PIK3R3: variants seen among roughly 807,000 people sequenced by gnomAD.
PIK3R3 encodes phosphoinositide-3-kinase regulatory subunit 3.
In PIK3R3, 64 loss-of-function variants were observed where a neutral mutation model predicts 62.9. That is an observed-to-expected ratio of 1.02 (90% CI 0.83 to 1.25). PIK3R3 has a LOEUF of 1.25. PIK3R3 is among the 50% of genes most tolerant of loss of function. The probability of loss-of-function intolerance (pLI) is 0.00; values close to 1 mark genes in which losing one functional copy is unlikely to be tolerated. For synonymous variants in PIK3R3, 165 were observed against 189.0 expected, an observed-to-expected ratio of 0.87 and a Z score of 1.04; for missense variants, 614 against 561.6, an observed-to-expected ratio of 1.09 and a Z score of -0.94.
intron 1 of PIK3R3, among the ~76,000 whole-genome samples, chr1:46,092,844 T>A (rs1651770411): frequency 6.6e-6 from 1 of 152,050 alleles, no homozygotes; most frequent in South Asian, 2.1e-4. Flanking sequence ...ACTAATACTA[T>A]CATCTCTTTT....
the PIK3R3 span, among the ~76,000 whole-genome samples, chr1:46,155,762 T>C: frequency 6.6e-6 from 1 of 152,312 alleles, no homozygotes; most frequent in Non-Finnish European, 1.5e-5. Context: ...ATGCCCAGCC[T>C]AATTTTTTTA....
intron 3 of PIK3R3, among the ~76,000 whole-genome samples, chr1:46,068,627 T>C (rs1649216173): frequency 6.6e-6 from 1 of 152,018 alleles, no homozygotes; most frequent in Non-Finnish European, 1.5e-5. Flanking sequence ...GAGTTCTAAG[T>C]GAAGTGAGGG....
the PIK3R3 span, among the ~76,000 whole-genome samples, chr1:46,165,305 C>CTTTTTTT: frequency 1.5e-5 from 2 of 130,036 alleles, no homozygotes; most frequent in Admixed American, 8.0e-5. Context: ...TCTTCTTCTT[C>CTTTTTTT]TTTTTTTTTT....
intron 1 of PIK3R3, among the ~76,000 whole-genome samples, chr1:46,107,353 G>GT (rs1432227564): frequency 7.0e-6 from 1 of 143,784 alleles, no homozygotes; most frequent in East Asian, 2.1e-4. Flanking sequence ...GTGAGACTCT[G>GT]TCTCAAAAAA....
At chr1:46,056,013 A>G in intron 6 of PIK3R3, 42 bp from the exon 7 acceptor site, 1 of 1,377,876 alleles carries the variant, frequency 7.3e-7, no homozygotes, top group Non-Finnish European at 1.0e-6. Context: ...ATAGAAATCA[A>G]GCAGACAGAT....
intron 1 of PIK3R3, among the ~76,000 whole-genome samples, chr1:46,096,610 T>C (rs1652145538): frequency 6.6e-6 from 1 of 152,054 alleles, no homozygotes; most frequent in South Asian, 2.1e-4. Context: ...AAGGCAGTAA[T>C]AAAACTGGCC....
At position 46,043,614 on chromosome 1, in the gene PIK3R3, A is replaced by C. The variant is rs563642472; in HGVS notation, c.*59T>G. On this transcript the variant is annotated 3_prime_UTR_variant, in exon 10 of 10. Transcript: ENST00000262741. ...TATGTAGAAAGAATGCCCTCATCGT[A>C]GTCTAATAAAAACTGTAGAAAAAAA... The C allele has an allele frequency of 2.9e-6, 4 of 1,373,122 alleles. No individual in the cohort carries two copies. In the Admixed American group the frequency reaches 6.8e-5, roughly 23 times the overall value. 85.1% of individuals were successfully genotyped at this position (1,373,122 alleles called of 1,614,324 possible).
At chr1:46,070,107 G>C (rs569467382) in intron 3 of PIK3R3, among the ~76,000 whole-genome samples, 1 of 152,328 alleles carries the variant, frequency 6.6e-6, no homozygotes, top group South Asian at 2.1e-4. Flanking sequence ...TCTAGAAAGA[G>C]ATATAGGGTC....
At chr1:46,107,776 G>A (rs74376298) in intron 1 of PIK3R3, among the ~76,000 whole-genome samples, 115 of 152,294 alleles carry the variant, frequency 7.6e-4, no homozygotes, top group Non-Finnish European at 8.2e-4. Flanking sequence ...CCACTATTTA[G>A]ATAATTCATA....
intron 1 of PIK3R3, among the ~76,000 whole-genome samples, chr1:46,124,562 C>T (rs1214019979): frequency 2.6e-5 from 4 of 151,850 alleles, no homozygotes; most frequent in East Asian, 3.9e-4. Flanking sequence ...TTTGGGAGGC[C>T]GAGGCGGGAA....
intron 1 of PIK3R3, among the ~76,000 whole-genome samples, chr1:46,117,639 C>T (rs1356420928): frequency 6.6e-6 from 1 of 152,002 alleles, no homozygotes; most frequent in Non-Finnish European, 1.5e-5. Context: ...CCCAGCTACT[C>T]GGGAGGCTGA....
the PIK3R3 span, among the ~76,000 whole-genome samples, chr1:46,140,616 G>A: frequency 2.0e-5 from 3 of 151,902 alleles, no homozygotes; most frequent in African/African-American, 7.2e-5. Context: ...CATAGACATA[G>A]ATGAGAAGGC....
At chr1:46,148,724 C>T in the PIK3R3 span, among the ~76,000 whole-genome samples, 2 of 148,550 alleles carry the variant, frequency 1.3e-5, no homozygotes, top group African/African-American at 2.5e-5. Context: ...AACCATTGTT[C>T]GTGCTTCTCC....
chr1:46,094,783 A>C (rs1651962674), intron 1 of PIK3R3, among the ~76,000 whole-genome samples: 2 of 152,230 alleles, frequency 1.3e-5, no homozygotes, highest in South Asian at 4.1e-4. Flanking sequence ...TCCCAATCCC[A>C]AATCAGACAC....
chr1:46,073,765 G>A (rs1476945120), intron 3 of PIK3R3, among the ~76,000 whole-genome samples: 2 of 149,338 alleles, frequency 1.3e-5, no homozygotes, highest in African/African-American at 4.9e-5. Context: ...GACCATAGGC[G>A]CATGCCACCA....
intron 6 of PIK3R3, among the ~76,000 whole-genome samples, chr1:46,060,087 G>A (rs1308309727): frequency 1.3e-5 from 2 of 149,152 alleles, no homozygotes; most frequent in East Asian, 2.0e-4. Context: ...GCGACAGAGC[G>A]AGACTCCGTC....
intron 1 of PIK3R3, among the ~76,000 whole-genome samples, chr1:46,099,332 T>C (rs918322931): frequency 6.6e-6 from 1 of 152,188 alleles, no homozygotes; most frequent in Admixed American, 6.5e-5. Context: ...ATTTTTTATA[T>C]GACAGAAAAA....
At chr1:46,078,920 T>C (rs1044902275) in intron 2 of PIK3R3, among the ~76,000 whole-genome samples, 2 of 152,072 alleles carry the variant, frequency 1.3e-5, no homozygotes, top group Non-Finnish European at 2.9e-5. Context: ...GTACCTACAA[T>C]TGAATTCATA....
chr1:46,060,741 C>T (rs901202583), intron 6 of PIK3R3, among the ~76,000 whole-genome samples: 5 of 152,154 alleles, frequency 3.3e-5, no homozygotes, highest in African/African-American at 1.2e-4. Flanking sequence ...CATTAAGCTA[C>T]ACTGTCTCAC....
Sources: gnomAD v4.1 joint callset for allele counts (sites outside exome capture counted in the v4.1 genomes callset) on GRCh38, gnomAD v4.1.1 for gene constraint, MANE v1.5 for transcripts, NCBI Gene and HGNC (gene_info 2026-07-23, HGNC 2026-07-21) for gene names.